The following THBS4 variants were observed in gnomAD, a reference collection of about 807,000 sequenced individuals.
The protein encoded by THBS4 is thrombospondin 4, also known as thrombospondin-4.
A neutral mutation model predicts 115.7 loss-of-function variants in THBS4; 90 were observed. That is an observed-to-expected ratio of 0.78 (90% confidence interval 0.66 to 0.93). THBS4 has a LOEUF of 0.93. Among genes scored for constraint, THBS4 ranks in the 40% least tolerant of loss-of-function variants. The pLI is 0.00. For synonymous variants in THBS4, 460 were observed against 479.3 expected (o/e 0.96, Z 0.53); for missense variants, 1,087 against 1,232.7 (o/e 0.88, Z 1.77).
chr5:80,024,044 C>A (rs1832429286), intron 2 of THBS4, among the ~76,000 whole-genome samples: 1 of 152,112 alleles, frequency 6.6e-6, no homozygotes, highest in South Asian at 2.1e-4. Flanking sequence ...GACAAACCAT[C>A]TCCAAACCAT....
chr5:80,060,063 G>A (rs114020526), intron 7 of THBS4, among the ~76,000 whole-genome samples, 158 bp downstream of exon 7: 21 of 152,264 alleles, frequency 1.4e-4, no homozygotes, highest in East Asian at 5.8e-4. Context: ...AAGGGATGGC[G>A]GAAGGAGACA....
At chr5:80,078,857 G>T in intron 17 of THBS4, 64 bp from the exon 18 acceptor site, 1 of 1,540,602 alleles carries the variant, frequency 6.5e-7, no homozygotes, top group South Asian at 1.2e-5. Flanking sequence ...CTGAGGTTTT[G>T]AGCTTCCTTA....
chr5:80,004,129 G>A (rs948392658), intron 2 of THBS4, among the ~76,000 whole-genome samples: 2 of 152,122 alleles, frequency 1.3e-5, no homozygotes, highest in Non-Finnish European at 2.9e-5. Flanking sequence ...AGTAGCTTTC[G>A]CAGGGAACCC....
intron 11 of THBS4, 22 bp from the exon 12 acceptor site, chr5:80,070,621 G>A (rs375028116): frequency 5.8e-4 from 932 of 1,604,594 alleles, no homozygotes; most frequent in Non-Finnish European, 7.6e-4. Context: ...GATGTCACTC[G>A]GAACTGCATT....
rs1056796143 is a variant in THBS4 at position 80,035,355 on chromosome 5, AGCTCCCCAGCACCGCACGGCGGG to A, written c.-181_-159del. 5.3e-6 allele frequency: 1 copy of A among 189,056 alleles called. No individual in the cohort carries two copies. Among genetic ancestry groups the A allele is most frequent in the African/African-American group, 2.4e-5 (1 of 41,520 alleles). 11.7% of individuals were successfully genotyped at this position (189,056 alleles called of 1,614,324 possible). A position where few individuals can be genotyped will look rare whatever the true frequency, so the allele number is the denominator to read the frequency against. On this transcript the variant is annotated 5_prime_UTR_variant, in exon 1 of 22. Coordinates refer to ENST00000350881, the MANE Select transcript of THBS4 (RefSeq NM_003248.6). The surrounding 1 kb of genome is among the most constrained non-coding windows in gnomAD (Gnocchi z 4.6). ...GCCGCTGCCGCGGAGCCCAGCAGCC[AGCTCCCCAGCACCGCACGGCGGG>A]GACGCGAGCGCGCCCCCGACGGCAG...
At chr5:80,082,364 G>A in intron 20 of THBS4, 42 bp from the exon 21 acceptor site, 3 of 1,608,976 alleles carry the variant, frequency 1.9e-6, no homozygotes, top group Admixed American at 1.7e-5. Context: ...CTTTACCCCG[G>A]GTTGGATTTC....
chr5:80,059,953 C>A, intron 7 of THBS4, 48 bp downstream of exon 7: 2 of 1,558,242 alleles, frequency 1.3e-6, no homozygotes, highest in Non-Finnish European at 1.8e-6. Flanking sequence ...ATCCTCCTCA[C>A]CCTGCAGCTT....
At chr5:80,016,328 C>T (rs1043338032) in intron 2 of THBS4, among the ~76,000 whole-genome samples, 1 of 152,178 alleles carries the variant, frequency 6.6e-6, no homozygotes, top group Non-Finnish European at 1.5e-5. Flanking sequence ...CTTGGGGTCA[C>T]CCCATTGTTG....
At chr5:80,074,941 C>T (rs577545765) in intron 15 of THBS4, among the ~76,000 whole-genome samples, 109 of 151,670 alleles carry the variant, frequency 7.2e-4, no homozygotes, top group African/African-American at 2.6e-3. Flanking sequence ...CCCTCAGTGT[C>T]CCAGGGTATT....
chr5:79,997,618 A>G (rs560553911), intron 1 of THBS4, among the ~76,000 whole-genome samples: 3 of 152,326 alleles, frequency 2.0e-5, no homozygotes, highest in Non-Finnish European at 2.9e-5. Context: ...TGGACAAAAA[A>G]TAAGCAAAGA....
intron 3 of THBS4, among the ~76,000 whole-genome samples, chr5:80,056,631 C>A (rs376475886): frequency 2.0e-5 from 3 of 152,180 alleles, no homozygotes; most frequent in East Asian, 1.9e-4. Context: ...TTGCCACATA[C>A]ATTTCTTTTA....
At chr5:80,026,282 G>A (rs1448509613) in intron 2 of THBS4, among the ~76,000 whole-genome samples, 1 of 152,182 alleles carries the variant, frequency 6.6e-6, no homozygotes, top group African/African-American at 2.4e-5. Flanking sequence ...GTACTAGGAG[G>A]CAAGCTGGTA....
intron 1 of THBS4, among the ~76,000 whole-genome samples, chr5:80,037,013 G>A (rs1832739743): frequency 6.6e-6 from 1 of 152,154 alleles, no homozygotes; most frequent in South Asian, 2.1e-4. Context: ...AGTTTGTGTT[G>A]AAGTATTTGA....
At chr5:80,041,726 G>A (rs543841867) in intron 2 of THBS4, among the ~76,000 whole-genome samples, 4 of 152,060 alleles carry the variant, frequency 2.6e-5, no homozygotes, top group Non-Finnish European at 4.4e-5. Context: ...CTCCTTCCCC[G>A]GGGGACAACA....
chr5:80,040,319 C>A, intron 2 of THBS4, 39 bp downstream of exon 2: 1 of 1,511,314 alleles, frequency 6.6e-7, no homozygotes, highest in East Asian at 2.4e-5. Flanking sequence ...TAAAAATCTC[C>A]TTTTTCTATT....
At chr5:80,014,863 C>A (rs1419212127) in intron 2 of THBS4, among the ~76,000 whole-genome samples, 2 of 152,232 alleles carry the variant, frequency 1.3e-5, no homozygotes, top group Non-Finnish European at 2.9e-5. Flanking sequence ...AGGTGTTAAT[C>A]CAAGTCTGTC....
At chr5:80,029,565 C>A (rs1832544481) in intron 2 of THBS4, among the ~76,000 whole-genome samples, 1 of 151,964 alleles carries the variant, frequency 6.6e-6, no homozygotes, top group Admixed American at 6.6e-5. Context: ...TATAGAGACC[C>A]TTAGATTGAA....
chr5:80,028,408 T>A (rs1331489091), intron 2 of THBS4, among the ~76,000 whole-genome samples: 2 of 151,918 alleles, frequency 1.3e-5, no homozygotes, highest in Non-Finnish European at 2.9e-5. Context: ...TCCACACAGG[T>A]CAAAATAGTC....
chr5:80,059,930 G>C, intron 7 of THBS4, 25 bp downstream of exon 7: 3 of 1,605,736 alleles, frequency 1.9e-6, no homozygotes, highest in Non-Finnish European at 2.6e-6. Context: ...AGACTGGGAG[G>C]GGATCCCTAA....
Sources: gnomAD v4.1 joint callset for allele counts (sites outside exome capture counted in the v4.1 genomes callset) on GRCh38, gnomAD v4.1.1 for gene constraint, Gnocchi (gnomAD v3.1) non-coding constraint, MANE v1.5 for transcripts, NCBI Gene and HGNC (gene_info 2026-07-23, HGNC 2026-07-21) for gene names.